The following DOK3 variants were observed in gnomAD, a reference collection of about 807,000 sequenced individuals.
DOK3 encodes the protein docking protein 3.
A neutral mutation model predicts 26.2 loss-of-function variants in DOK3; 23 were observed. That is an observed-to-expected ratio of 0.88 (90% CI 0.63 to 1.24). DOK3 has a LOEUF of 1.24. Among genes scored for constraint, DOK3 ranks in the 50% most tolerant of loss-of-function variants. The pLI, the probability that DOK3 is intolerant of heterozygous loss-of-function variation, is 0.00. For synonymous variants in DOK3, 268 were observed against 268.2 expected (o/e 1.00, Z 0.01); for missense variants, 619 against 610.6 (o/e 1.01, Z -0.15).
chr5:177,504,393 C>G lies in DOK3; in HGVS notation c.913G>C (p.Gly305Arg). 6.4e-7 allele frequency: 1 copy of G among 1,565,236 alleles called. No individual in the cohort carries two copies. The highest frequency in any genetic ancestry group is 8.7e-7 in the Non-Finnish European group (1 of 1,155,112). The change falls in exon 6 of 6, where the codon GGA becomes CGA. Residue 305 changes from glycine to arginine, a missense_variant. By Grantham distance (125) the Gly-to-Arg change is moderately radical (BLOSUM62 -2). Transcript: ENST00000510898. ...AGCAGTAGCGGCAGGCTCTGGGGTCCGGGCTCGGCCAGGTGCATTTTCCTG... is the reference window on the plus strand; with the variant it reads ...AGCAGTAGCGGCAGGCTCTGGGGTCGGGGCTCGGCCAGGTGCATTTTCCTG... ...TSRKMHLAEP[G>R]PQSLPLLLGP...
rs758860223 is a variant in DOK3, at chr5:177,504,439, T to C, written c.867A>G (p.Pro289=). The stretch of plus-strand genomic sequence containing the variant: ...TCCTGGACGTGGGTGGCTCAGGTCC[T>C]GGTGGCATCTCCCGAAGCTCTCCGG... ...DTPGELREMP[P]GPEPPTSRKM... is the part of the protein sequence containing the mutation. The change falls in exon 6 of 6, where the codon CCA becomes CCG. Residue 289 remains proline, a synonymous_variant. Transcript: ENST00000510898. 8 of 1,576,186 alleles carry C rather than the reference T, an allele frequency of 5.1e-6. No homozygotes were observed. Among genetic ancestry groups the C allele is most frequent in the Non-Finnish European group, 6.9e-6 (8 of 1,161,642 alleles).
intron 3 of DOK3, among the ~76,000 whole-genome samples, chr5:177,507,632 G>A (rs1034004410): frequency 2.6e-5 from 4 of 152,170 alleles, no homozygotes; most frequent in African/African-American, 9.7e-5. Flanking sequence ...CCTAGGAGTG[G>A]ACCTGTGGGC....
chr5:177,504,869 G>C lies in DOK3; in HGVS notation c.519C>G (p.Arg173=). Residue 173 remains arginine (R), a synonymous_variant, in exon 5 of 6, where the codon CGC becomes CGG. Transcript: ENST00000510898. ...GCAGGGCCGGCCCCTTCAGCTGGCA[G>C]CGGGTGGCGGCCTCAGTCCTCTGCA... The part of the protein sequence containing the change: ...VVVQRTEAAT[R]CQLKGPALLV... The C allele has an allele frequency of 6.2e-7, 1 of 1,606,922 alleles. No homozygotes were observed. The highest frequency in any genetic ancestry group is 8.5e-7 in the Non-Finnish European group (1 of 1,176,030).
At chr5:177,506,531 G>T (rs1760183830) in intron 3 of DOK3, among the ~76,000 whole-genome samples, 1 of 149,938 alleles carries the variant, frequency 6.7e-6, no homozygotes, top group African/African-American at 2.5e-5. Context: ...TAGAGATAGG[G>T]TTTCACCATG....
At position 177,503,339 on chromosome 5, in the gene DOK3, G is replaced by A. The variant is rs1198186367; in HGVS notation, c.*644C>T. On this transcript the variant is annotated 3_prime_UTR_variant, in exon 6 of 6. Coordinates refer to ENST00000510898, the MANE Select transcript of DOK3 (RefSeq NM_001308236.3). Reference sequence around the variant, plus strand: ...CAAGGATTATGCCTGATACGTCATCGGTTCTCTCTCCTTTACAGATGAGGA... The same window carrying A: ...CAAGGATTATGCCTGATACGTCATCAGTTCTCTCTCCTTTACAGATGAGGA... The A allele has an allele frequency of 9.0e-6, 14 of 1,551,112 alleles. No individual in the cohort carries two copies. Among genetic ancestry groups the A allele is most frequent in the Admixed American group, 5.9e-5 (3 of 50,972 alleles).
chr5:177,507,734 C>T (rs982967434), intron 3 of DOK3, among the ~76,000 whole-genome samples: 6 of 152,308 alleles, frequency 3.9e-5, no homozygotes, highest in South Asian at 2.1e-4. Context: ...CAAACATGTC[C>T]GGCTTAAACC....
upstream of DOK3, chr5:177,510,323 G>A (rs936388116): frequency 1.6e-5 from 3 of 189,676 alleles, no homozygotes; most frequent in African/African-American, 4.7e-5. Flanking sequence ...ACCACTCCAC[G>A]CTGTCCGAGA....
rs1182528551 is a variant in DOK3 at position 177,504,256 on chromosome 5, G to T, written c.1050C>A (p.Ala350=). 6.2e-7 allele frequency: 1 copy of T among 1,610,352 alleles called. No homozygotes were observed. The highest frequency in any genetic ancestry group is 1.3e-5 in the African/African-American group (1 of 75,004). Residue 350 remains alanine, a synonymous_variant, in exon 6 of 6, where the codon GCC becomes GCA. Transcript: ENST00000510898. ...HLYENLCVLE[A]SPTLHGGEPE... is the part of the protein sequence containing the mutation. ...GTTCCCCACCGTGCAGCGTGGGGCT[G>T]GCCTCCAGCACACACAGGTTCTCAT...
chr5:177,506,621 G>A (rs1478798907), intron 3 of DOK3, among the ~76,000 whole-genome samples: 1 of 150,996 alleles, frequency 6.6e-6, no homozygotes, highest in Non-Finnish European at 1.5e-5. Flanking sequence ...TTACAGGTGT[G>A]AACCACTACG....
Position 177,502,400 on chromosome 5 carries a change from C to G in DOK3, c.*1583G>C, listed in dbSNP as rs1759437296. On this transcript the variant is annotated 3_prime_UTR_variant, in exon 6 of 6. Transcript: ENST00000510898. ...AATTACAGAGCATGTTTGCGTGTGG[C>G]TGGAAAAGCTGCTGGTAGGATGAAT... is the stretch of plus-strand genomic sequence containing the variant. The G allele has an allele frequency of 6.6e-6, 1 of 152,344 alleles. No individual in the cohort carries two copies. Among genetic ancestry groups the G allele is most frequent in the African/African-American group, 2.4e-5 (1 of 41,452 alleles). The allele number at this position is 152,344 out of a possible 1,614,324, so 9.4% of individuals were successfully genotyped here.
At chr5:177,506,199 G>A (rs1434198032) in intron 3 of DOK3, among the ~76,000 whole-genome samples, 6 of 149,670 alleles carry the variant, frequency 4.0e-5, no homozygotes, top group East Asian at 2.0e-4. Flanking sequence ...GGTGATCCAC[G>A]TGCTTCGGCT....
chr5:177,504,653 A>C lies in DOK3; in HGVS notation c.653T>G (p.Phe218Cys). 6.2e-7 allele frequency: 1 copy of C among 1,613,112 alleles called. No individual in the cohort carries two copies. Among genetic ancestry groups the C allele is most frequent in the Non-Finnish European group, 8.5e-7 (1 of 1,179,834 alleles). ...LRKFGSDKGV[F>C]SFEAGRRCHS... The stretch of plus-strand genomic sequence containing the variant: ...GCAGCGACGGCCGGCCTCAAAGGAG[A>C]ACACGCCCTGGGCACAGGGCACACG... Residue 218 changes from phenylalanine (F) to cysteine (C), a missense_variant, in exon 6 of 6, where the codon TTC becomes TGC. By Grantham distance (205) the Phe-to-Cys change is radical. Transcript: ENST00000510898.
At chr5:177,504,719 C>T (rs1248460944) in intron 5 of DOK3, 24 bp downstream of exon 5, 8 of 1,613,978 alleles carry the variant, frequency 5.0e-6, no homozygotes, top group Non-Finnish European at 5.9e-6. Context: ...CAGCCCCTCA[C>T]CCTTTCCCAC....
At chr5:177,507,225 C>T (rs1760314343) in intron 3 of DOK3, among the ~76,000 whole-genome samples, 1 of 151,648 alleles carries the variant, frequency 6.6e-6, no homozygotes, top group Admixed American at 6.6e-5. Flanking sequence ...CTATGTTGCC[C>T]AGGCTGATCT....
At chr5:177,507,000 G>T (rs541046490) in intron 3 of DOK3, among the ~76,000 whole-genome samples, 5 of 151,718 alleles carry the variant, frequency 3.3e-5, no homozygotes, top group Non-Finnish European at 7.4e-5. Context: ...GTGCTTTTTA[G>T]TATACTCACA....
chr5:177,507,195 T>G (rs1197722403), intron 3 of DOK3, among the ~76,000 whole-genome samples: 3 of 151,916 alleles, frequency 2.0e-5, no homozygotes, highest in Non-Finnish European at 2.9e-5. Flanking sequence ...TTTCTTTTTT[T>G]TTTTTGAGAC....
rs1199880043 is a variant in DOK3, at chr5:177,503,676, G to A, written c.*307C>T. 7.2e-7 allele frequency: 1 copy of A among 1,388,304 alleles called. No individual in the cohort carries two copies. 86.0% of individuals were successfully genotyped at this position (1,388,304 alleles called of 1,614,324 possible). On this transcript the variant is annotated 3_prime_UTR_variant, in exon 6 of 6. Transcript: ENST00000510898. ...TTTGAGCCCACGGGTGGCAGGTAAG[G>A]CCCAGGTCACCTGTGCCCCTGGAAC...
rs141898162 is a variant in DOK3, at chr5:177,504,786, T to C, written c.602A>G (p.Tyr201Cys). 44 of 1,613,874 alleles carry C rather than the reference T, an allele frequency of 2.7e-5. No individual in the cohort carries two copies. The Middle Eastern group carries it at 4.9e-4, about 18-fold the overall frequency. Residue 201 changes from tyrosine (Y) to cysteine (C), a missense_variant, in exon 5 of 6, where the codon TAC (tyrosine) becomes TGC (cysteine). Coordinates refer to ENST00000510898, the MANE Select transcript of DOK3 (RefSeq NM_001308236.3). ...GCGCAGGAAGTGGTAGGGCCAGCTG[T>C]AGAGGGCCTGGGTGCCCTTGGCCTC... ...LREAKGTQALYSWPYHFLRKF... is the reference protein window; with the variant it reads ...LREAKGTQALCSWPYHFLRKF...
At chr5:177,506,232 G>A (rs1311768738) in intron 3 of DOK3, among the ~76,000 whole-genome samples, 1 of 151,976 alleles carries the variant, frequency 6.6e-6, no homozygotes, top group African/African-American at 2.4e-5. Context: ...GGGATTACAG[G>A]CACGAACCTC....
Sources: gnomAD v4.1 joint callset for allele counts (sites outside exome capture counted in the v4.1 genomes callset) on GRCh38, gnomAD v4.1.1 for gene constraint, MANE v1.5 for transcripts, NCBI Gene and HGNC (gene_info 2026-07-23, HGNC 2026-07-21) for gene names.